PSTPIP2: variants seen among roughly 807,000 people sequenced by gnomAD.
The protein encoded by PSTPIP2 is proline-serine-threonine phosphatase interacting protein 2.
Under a neutral mutation model 63.3 loss-of-function variants are expected in PSTPIP2, and 33 were observed. The observed-to-expected ratio is 0.52, with a 90% CI of 0.40 to 0.70. The LOEUF (loss-of-function observed/expected upper bound fraction) is 0.70, where lower values mean the gene tolerates loss of function less well. PSTPIP2 is among the 30% of genes least tolerant of loss of function. PSTPIP2 has a pLI of 0.00. For missense variants in PSTPIP2, 312 were observed against 400.7 expected, an observed-to-expected ratio of 0.78 and a Z score of 1.89; for synonymous variants, 125 against 132.7, an observed-to-expected ratio of 0.94 and a Z score of 0.40.
At chr18:45,985,504 T>A in intron 14 of PSTPIP2, 54 bp from the exon 15 acceptor site, 1 of 1,575,478 alleles carries the variant, frequency 6.3e-7, no homozygotes, top group Non-Finnish European at 8.7e-7. Context: ...TTGTCAATAC[T>A]CTCTCCTACC....
At chr18:45,992,657 A>C (rs1393303887) in intron 10 of PSTPIP2, among the ~76,000 whole-genome samples, 1 of 151,994 alleles carries the variant, frequency 6.6e-6, no homozygotes, top group African/African-American at 2.4e-5. Flanking sequence ...CACATTCCAA[A>C]GTCCCAGATT....
At chr18:46,009,942 T>C (rs552806045) in intron 5 of PSTPIP2, among the ~76,000 whole-genome samples, 5 of 152,324 alleles carry the variant, frequency 3.3e-5, no homozygotes, top group African/African-American at 1.2e-4. Context: ...TCAAACCTGA[T>C]ACATCAAGCT....
intron 1 of PSTPIP2, among the ~76,000 whole-genome samples, chr18:46,054,227 C>G (rs529407937): frequency 6.6e-6 from 1 of 152,142 alleles, no homozygotes; most frequent in South Asian, 2.1e-4. Flanking sequence ...ATGGGACCAC[C>G]ATCATATATG....
At chr18:46,009,775 T>G (rs2051775429) in intron 5 of PSTPIP2, among the ~76,000 whole-genome samples, 1 of 152,192 alleles carries the variant, frequency 6.6e-6, no homozygotes, top group Non-Finnish European at 1.5e-5. Flanking sequence ...GTGCCTAGAC[T>G]CTGGTTGTCT....
intron 6 of PSTPIP2, among the ~76,000 whole-genome samples, chr18:46,004,901 C>A (rs1206884494): frequency 6.6e-6 from 1 of 152,194 alleles, no homozygotes; most frequent in Non-Finnish European, 1.5e-5. Flanking sequence ...CCTAAAGACA[C>A]ATGCACGTGA....
intron 5 of PSTPIP2, 180 bp downstream of exon 5, chr18:46,011,001 T>C: frequency 1.7e-6 from 1 of 575,048 alleles, no homozygotes; most frequent in Non-Finnish European, 3.1e-6. Context: ...ACAACTGGCC[T>C]GGGGTGTAGA....
chr18:45,994,239 T>C (rs1192455647), intron 9 of PSTPIP2, among the ~76,000 whole-genome samples: 5 of 152,314 alleles, frequency 3.3e-5, no homozygotes, highest in Admixed American at 3.3e-4. Context: ...TAAACAAATA[T>C]CACCTTTAAA....
intron 4 of PSTPIP2, among the ~76,000 whole-genome samples, chr18:46,012,970 A>T (rs990795778): frequency 3.9e-5 from 6 of 152,168 alleles, no homozygotes; most frequent in African/African-American, 1.4e-4. Context: ...TACTATACAC[A>T]TATATGTTTA....
intron 5 of PSTPIP2, 116 bp from the exon 6 acceptor site, chr18:46,005,647 A>G: frequency 1.3e-6 from 1 of 784,730 alleles, no homozygotes; most frequent in Non-Finnish European, 2.0e-6. Context: ...GATTACCCAC[A>G]TTTCACAATC....
chr18:46,024,133 A>G (rs1396383696), intron 3 of PSTPIP2, among the ~76,000 whole-genome samples: 1 of 151,780 alleles, frequency 6.6e-6, no homozygotes, highest in Non-Finnish European at 1.5e-5. Flanking sequence ...CTGAGATGCA[A>G]GGATCTTTTT....
chr18:46,014,253 C>T (rs1465000622), intron 4 of PSTPIP2, among the ~76,000 whole-genome samples: 3 of 152,084 alleles, frequency 2.0e-5, no homozygotes, highest in Non-Finnish European at 4.4e-5. Context: ...AACTCCTGAC[C>T]TCAGGTAACC....
chr18:46,038,435 T>G (rs977172951), intron 2 of PSTPIP2, among the ~76,000 whole-genome samples: 3 of 152,170 alleles, frequency 2.0e-5, no homozygotes, highest in African/African-American at 7.2e-5. Context: ...TTCCTTCCTC[T>G]GCAGATGTAT....
intron 14 of PSTPIP2, among the ~76,000 whole-genome samples, chr18:45,986,268 A>T (rs1762476473): frequency 1.3e-5 from 2 of 152,298 alleles, no homozygotes; most frequent in African/African-American, 4.8e-5. Flanking sequence ...GTATATGTTG[A>T]ACCCCAACTC....
intron 1 of PSTPIP2, among the ~76,000 whole-genome samples, chr18:46,064,457 ATT>A (rs34169328): frequency 2.8e-4 from 30 of 106,024 alleles, no homozygotes; most frequent in African/African-American, 3.8e-4. Flanking sequence ...CACCTGGCTA[ATT>A]TTTTTTTTTT....
intron 3 of PSTPIP2, among the ~76,000 whole-genome samples, chr18:46,019,031 C>A (rs1422796325): frequency 6.6e-6 from 1 of 151,936 alleles, no homozygotes; most frequent in African/African-American, 2.4e-5. Flanking sequence ...CCCCTTTGCC[C>A]ATTATTTTAG....
intron 1 of PSTPIP2, among the ~76,000 whole-genome samples, chr18:46,045,325 G>A (rs1297549235): frequency 1.3e-5 from 2 of 152,154 alleles, no homozygotes; most frequent in African/African-American, 4.8e-5. Flanking sequence ...GGAATACTAT[G>A]CTGCCATAAA....
At chr18:46,008,599 G>A (rs1407759683) in intron 5 of PSTPIP2, among the ~76,000 whole-genome samples, 3 of 152,040 alleles carry the variant, frequency 2.0e-5, no homozygotes, top group Non-Finnish European at 2.9e-5. Context: ...GAGCCACCTT[G>A]CCCAGCCTTA....
intron 1 of PSTPIP2, among the ~76,000 whole-genome samples, chr18:46,064,430 A>G (rs1453283376): frequency 1.4e-5 from 2 of 145,498 alleles, no homozygotes; most frequent in Non-Finnish European, 3.0e-5. Context: ...AGCTGGGACT[A>G]CAGGCACCCA....
chr18:46,010,091 A>G (rs969009968), intron 5 of PSTPIP2, among the ~76,000 whole-genome samples: 2 of 152,178 alleles, frequency 1.3e-5, no homozygotes, highest in Non-Finnish European at 2.9e-5. Flanking sequence ...TGAAACAGCA[A>G]TAGGGGTAAA....
Sources: gnomAD v4.1 joint callset for allele counts (sites outside exome capture counted in the v4.1 genomes callset) on GRCh38, gnomAD v4.1.1 for gene constraint, MANE v1.5 for transcripts, NCBI Gene and HGNC (gene_info 2026-07-23, HGNC 2026-07-21) for gene names.